RFX3: variants seen among roughly 807,000 people sequenced by gnomAD.
The protein encoded by RFX3 is transcription factor RFX3.
RFX3 carries 14 observed loss-of-function variants against 98.6 expected under a neutral mutation model. The observed-to-expected ratio is 0.14, with a 90% CI of 0.09 to 0.22. RFX3 has a LOEUF of 0.22. RFX3 is among the 10% of genes least tolerant of loss of function. The pLI, the probability that RFX3 is intolerant of heterozygous loss-of-function variation, is 1.00. For missense variants in RFX3, 639 were observed against 926.9 expected, an observed-to-expected ratio of 0.69 and a Z score of 4.03; for synonymous variants, 383 against 328.4, an observed-to-expected ratio of 1.17 and a Z score of -1.80.
intron 14 of RFX3, among the ~76,000 whole-genome samples, chr9:3,251,475 A>G (rs1421085749): frequency 6.6e-6 from 1 of 151,868 alleles, no homozygotes; most frequent in African/African-American, 2.4e-5. Context: ...CACCTCCCAT[A>G]GGCACTTGCT....
At chr9:3,486,467 T>C (rs1043272447) in intron 1 of RFX3, among the ~76,000 whole-genome samples, 3 of 152,184 alleles carry the variant, frequency 2.0e-5, no homozygotes, top group African/African-American at 7.2e-5. Context: ...TACAAAATAG[T>C]TTCCATGGCT....
intron 7 of RFX3, among the ~76,000 whole-genome samples, chr9:3,287,776 A>C (rs1826822455): frequency 6.6e-6 from 1 of 151,974 alleles, no homozygotes; most frequent in South Asian, 2.1e-4. Flanking sequence ...AAAAAGAATG[A>C]CTTGAGAGAT....
At chr9:3,420,538 CT>C in intron 1 of RFX3, among the ~76,000 whole-genome samples, 1 of 152,214 alleles carries the variant, frequency 6.6e-6, no homozygotes, top group Non-Finnish European at 1.5e-5. Flanking sequence ...CATGAAGAAA[CT>C]GAAAAAGGTT....
At chr9:3,252,306 G>T (rs1034466331) in intron 14 of RFX3, among the ~76,000 whole-genome samples, 2 of 152,108 alleles carry the variant, frequency 1.3e-5, no homozygotes, top group African/African-American at 4.8e-5. Flanking sequence ...TTTCAAAAAA[G>T]TTCACGTTCT....
At chr9:3,250,410 T>C (rs914448978) in intron 14 of RFX3, among the ~76,000 whole-genome samples, 2 of 151,972 alleles carry the variant, frequency 1.3e-5, no homozygotes, top group African/African-American at 4.8e-5. Context: ...AAATGAAAAT[T>C]AAAGTAAGAT....
chr9:3,524,053 GTCAGT>G (rs1314545701), intron 1 of RFX3, among the ~76,000 whole-genome samples: 3 of 151,898 alleles, frequency 2.0e-5, no homozygotes, highest in Non-Finnish European at 4.4e-5. Context: ...AAGCTGCTGT[GTCAGT>G]TAAATCAATA....
intron 1 of RFX3, among the ~76,000 whole-genome samples, chr9:3,412,152 A>G (rs767321424): frequency 7.2e-5 from 11 of 152,164 alleles, no homozygotes; most frequent in Non-Finnish European, 1.5e-4. Context: ...CCTGGCTTGT[A>G]CTTTCCAAAG....
chr9:3,452,293 T>TA (rs1426887675), intron 1 of RFX3: 7 of 215,152 alleles, frequency 3.3e-5, no homozygotes, highest in South Asian at 1.9e-4. Flanking sequence ...TGTCATTTTT[T>TA]AAAAAAACAA....
intron 1 of RFX3, among the ~76,000 whole-genome samples, chr9:3,460,253 C>G (rs916128209): frequency 6.6e-6 from 1 of 151,974 alleles, no homozygotes; most frequent in Non-Finnish European, 1.5e-5. Flanking sequence ...AGAAAAGATA[C>G]TAAATCTATT....
intron 1 of RFX3, among the ~76,000 whole-genome samples, chr9:3,440,927 C>A (rs1278672992): frequency 6.6e-6 from 1 of 152,050 alleles, no homozygotes; most frequent in African/African-American, 2.4e-5. Flanking sequence ...TCAAAACTGA[C>A]CCATATATAA....
In RFX3 at chr9:3,330,476, C is replaced by G. The variant is rs1484380815; in HGVS notation, c.257G>C (p.Ser86Thr). The change falls in exon 4 of 17, where the codon AGC becomes ACC. Residue 86 changes from serine (S) to threonine (T), a missense_variant. By Grantham distance (58) the Ser-to-Thr change is moderately conservative (BLOSUM62 1). Transcript: ENST00000617270. ...AAAGTAATTCCCTCCAGTATTTTGG[C>G]TGTACATCTGTGTCTCTGTGTAAGG... ...TYPYTETQMY[S>T]QNTGGNYFDT... The G allele has an allele frequency of 6.2e-7, 1 of 1,613,978 alleles. No individual in the cohort carries two copies. The highest frequency in any genetic ancestry group is 8.5e-7 in the Non-Finnish European group (1 of 1,179,942).
At chr9:3,423,931 A>G (rs2132401518) in intron 1 of RFX3, among the ~76,000 whole-genome samples, 1 of 151,598 alleles carries the variant, frequency 6.6e-6, no homozygotes, top group African/African-American at 2.4e-5. Flanking sequence ...GGGGACCACA[A>G]GGTCAGGAGA....
In RFX3 at chr9:3,367,302, G is replaced by T. The variant is rs568727321; in HGVS notation, c.118-20538C>A. 3.3e-5 allele frequency among the ~76,000 whole-genome samples: 5 copies of T among 152,236 alleles called. No homozygotes were observed. The East Asian group carries it at 9.7e-4, about 29-fold the overall frequency. ...GAGAAGTCAAGCAGGCAGCCTCTAG[G>T]AGTGGGGAACAGATCCCATCAGACA... is the stretch of plus-strand genomic sequence containing the variant. On this transcript the variant is annotated intron_variant, in intron 2 of 16. Coordinates refer to ENST00000617270, the MANE Select transcript of RFX3 (RefSeq NM_001282116.2).
intron 1 of RFX3, among the ~76,000 whole-genome samples, chr9:3,504,466 G>T (rs1189014243): frequency 3.1e-5 from 4 of 127,882 alleles, no homozygotes; most frequent in African/African-American, 1.2e-4. Context: ...ATGCCATATG[G>T]TATATATTGT....
intron 1 of RFX3, among the ~76,000 whole-genome samples, chr9:3,447,871 T>G (rs1395584027): frequency 6.6e-6 from 1 of 152,204 alleles, no homozygotes; most frequent in Admixed American, 6.5e-5. Flanking sequence ...TTTTTAATTA[T>G]GCTAAAAGTC....
At chr9:3,300,527 G>C (rs933196889) in intron 5 of RFX3, among the ~76,000 whole-genome samples, 2 of 151,656 alleles carry the variant, frequency 1.3e-5, no homozygotes, top group African/African-American at 4.8e-5. Flanking sequence ...TTTTCTATGA[G>C]TAAAAGTTTT....
chr9:3,384,911 T>C (rs1004694514), intron 2 of RFX3, among the ~76,000 whole-genome samples: 1 of 152,184 alleles, frequency 6.6e-6, no homozygotes. Flanking sequence ...CTTCCTTTTA[T>C]TCCCTCACTG....
chr9:3,452,018 C>G (rs986104973), intron 1 of RFX3, among the ~76,000 whole-genome samples: 9 of 152,132 alleles, frequency 5.9e-5, no homozygotes, highest in African/African-American at 2.2e-4. Context: ...AAGCATATTT[C>G]TGCATCTGAG....
chr9:3,421,188 C>A (rs376099279), intron 1 of RFX3, among the ~76,000 whole-genome samples: 2 of 152,062 alleles, frequency 1.3e-5, no homozygotes, highest in Admixed American at 6.6e-5. Context: ...TATTAATGAA[C>A]CTCTAAAGAA....
Sources: allele counts gnomAD v4.1 joint callset (sites outside exome capture counted in the v4.1 genomes callset), GRCh38; gene constraint gnomAD v4.1.1; transcripts MANE v1.5; gene names NCBI Gene and HGNC (gene_info 2026-07-23, HGNC 2026-07-21).